BLOC1S6: variants seen among roughly 807,000 people sequenced by gnomAD.
The protein encoded by BLOC1S6 is biogenesis of lysosome-related organelles complex 1 subunit 6.
A neutral mutation model predicts 24.7 loss-of-function variants in BLOC1S6; 24 were observed. That is an observed-to-expected ratio of 0.97 (90% CI 0.70 to 1.37). The LOEUF (loss-of-function observed/expected upper bound fraction) is 1.37. Ranked by LOEUF, BLOC1S6 falls within the 40% of genes most tolerant of loss-of-function variation. The pLI is 0.00. For synonymous variants in BLOC1S6, 76 were observed against 72.6 expected (o/e 1.05, Z -0.23); for missense variants, 175 against 196.2 (o/e 0.89, Z 0.64).
chr15:45,588,017 T>C (rs1595550325), intron 1 of BLOC1S6: 1 of 523,716 alleles, frequency 1.9e-6, no homozygotes, highest in South Asian at 2.6e-5. Flanking sequence ...ATCCATTGAA[T>C]GGAATGAATT....
At chr15:45,598,062 T>C (rs1415698085) in intron 2 of BLOC1S6, 1 of 160,146 alleles carries the variant, frequency 6.2e-6, no homozygotes, top group Non-Finnish European at 1.4e-5. Context: ...TAATCCAGCA[T>C]ATAAACAGAG....
chr15:45,597,534 A>T (rs1894121772), intron 2 of BLOC1S6, among the ~76,000 whole-genome samples: 1 of 151,818 alleles, frequency 6.6e-6, no homozygotes, highest in African/African-American at 2.4e-5. Flanking sequence ...TATTATTTAG[A>T]TTTTCTTTGA....
intron 2 of BLOC1S6, among the ~76,000 whole-genome samples, chr15:45,593,301 G>A (rs1893949736): frequency 6.7e-6 from 1 of 149,364 alleles, no homozygotes; most frequent in South Asian, 2.1e-4. Flanking sequence ...CAGGAGAATC[G>A]CTCGAACTCA....
intron 2 of BLOC1S6, among the ~76,000 whole-genome samples, chr15:45,595,501 T>C (rs1894039381): frequency 6.6e-6 from 1 of 152,222 alleles, no homozygotes; most frequent in African/African-American, 2.4e-5. Context: ...TGTTGAGTTT[T>C]AAGAGTTCTT....
At chr15:45,597,609 C>T (rs1894124709) in intron 2 of BLOC1S6, among the ~76,000 whole-genome samples, 1 of 152,080 alleles carries the variant, frequency 6.6e-6, no homozygotes, top group African/African-American at 2.4e-5. Flanking sequence ...TATATTTGTA[C>T]CACCATATTT....
chr15:45,588,691 C>G (rs1231296714), intron 1 of BLOC1S6, among the ~76,000 whole-genome samples: 1 of 152,214 alleles, frequency 6.6e-6, no homozygotes, highest in Non-Finnish European at 1.5e-5. Context: ...TTAAATAGCT[C>G]CTCACTACTT....
At chr15:45,589,433 G>A (rs1893803838) in intron 1 of BLOC1S6, among the ~76,000 whole-genome samples, 1 of 152,170 alleles carries the variant, frequency 6.6e-6, no homozygotes, top group Non-Finnish European at 1.5e-5. Flanking sequence ...AGTAACACTC[G>A]AATAGACAAA....
chr15:45,602,650 T>G (rs1460461531), intron 2 of BLOC1S6, among the ~76,000 whole-genome samples: 1 of 152,206 alleles, frequency 6.6e-6, no homozygotes, highest in African/African-American at 2.4e-5. Context: ...TCTTACTGCT[T>G]AATTATTCTT....
At chr15:45,593,284 G>T (rs1893949282) in intron 2 of BLOC1S6, among the ~76,000 whole-genome samples, 1 of 151,498 alleles carries the variant, frequency 6.6e-6, no homozygotes. Context: ...TACTTGGGAG[G>T]CTGAGGCAGG....
In BLOC1S6 at chr15:45,606,425, C is replaced by G; in HGVS notation, c.430C>G (p.Gln144Glu). The change falls in exon 5 of 5, where the codon CAA becomes GAA. Residue 144 changes from glutamine to glutamate, a missense_variant. Physicochemically the swap from Gln to Glu is conservative, Grantham distance 29. Transcript: ENST00000220531. ...KRALKLQQKRQKEELEREQQR... is the reference protein window; with the variant it reads ...KRALKLQQKREKEELEREQQR... ...AGCACTTAAACTGCAGCAGAAGAGGCAAAAAGAAGAGTTGGAAAGGGAGCA... is the reference window on the plus strand; with the variant it reads ...AGCACTTAAACTGCAGCAGAAGAGGGAAAAAGAAGAGTTGGAAAGGGAGCA... 6.2e-7 allele frequency: 1 copy of G among 1,613,434 alleles called. No individual in the cohort carries two copies. The highest frequency in any genetic ancestry group is 1.1e-5 in the South Asian group (1 of 91,048).
chr15:45,603,386 A>G (rs541462814), intron 3 of BLOC1S6, among the ~76,000 whole-genome samples, 199 bp downstream of exon 3: 33 of 152,176 alleles, frequency 2.2e-4, no homozygotes, highest in Non-Finnish European at 4.3e-4. Context: ...GTGCATTTGG[A>G]ATAGATCTGC....
intron 1 of BLOC1S6, 29 bp downstream of exon 1, chr15:45,587,554 C>G: frequency 6.5e-7 from 1 of 1,547,720 alleles, no homozygotes; most frequent in Non-Finnish European, 8.7e-7. Flanking sequence ...GAAGCGCGGC[C>G]CGGGCTGGGT....
chr15:45,603,150 T>A lies in BLOC1S6; in HGVS notation c.275T>A (p.Phe92Tyr). The A allele has an allele frequency of 1.9e-6, 3 of 1,611,002 alleles. No homozygotes were observed. The highest frequency in any genetic ancestry group is 2.5e-6 in the Non-Finnish European group (3 of 1,177,682). The change falls in exon 3 of 5, where the codon TTT becomes TAT. Residue 92 changes from phenylalanine (F) to tyrosine (Y), a missense_variant. By Grantham distance (22) the Phe-to-Tyr change is conservative (BLOSUM62 3). Coordinates refer to ENST00000220531, the MANE Select transcript of BLOC1S6 (RefSeq NM_012388.4). ...LDTLEQEISK[F>Y]KECHSMLDIN... ...ACACTGGAACAAGAGATTTCAAAAT[T>A]TAAAGAATGTCATTCTATGTTGGAT...
chr15:45,596,698 T>A (rs1256979575), intron 2 of BLOC1S6, among the ~76,000 whole-genome samples: 1 of 151,908 alleles, frequency 6.6e-6, no homozygotes, highest in East Asian at 1.9e-4. Context: ...GTTTTTTTTT[T>A]GAGACAGGGT....
chr15:45,587,326 C>T (rs536657988), upstream of BLOC1S6: 54 of 1,013,130 alleles, frequency 5.3e-5, 1 homozygote, highest in South Asian at 6.9e-4. Context: ...TTTTCGCCCC[C>T]GTCACTTCCG....
At chr15:45,588,318 T>G (rs1019696167) in intron 1 of BLOC1S6, among the ~76,000 whole-genome samples, 25 of 152,258 alleles carry the variant, frequency 1.6e-4, no homozygotes, top group African/African-American at 6.0e-4. Flanking sequence ...TATTTGAAAC[T>G]TGGGCCCCTC....
At chr15:45,606,313 C>T (rs1002187780) in intron 4 of BLOC1S6, 82 bp from the exon 5 acceptor site, 1 of 1,548,704 alleles carries the variant, frequency 6.5e-7, no homozygotes. Context: ...TACCTCAAAG[C>T]AGAGCACTGT....
chr15:45,592,557 A>G (rs1033398925), intron 2 of BLOC1S6, among the ~76,000 whole-genome samples: 1 of 152,172 alleles, frequency 6.6e-6, no homozygotes, highest in Non-Finnish European at 1.5e-5. Flanking sequence ...TATTTTATGA[A>G]AGTATTGCCT....
At chr15:45,595,227 T>G (rs1178462628) in intron 2 of BLOC1S6, among the ~76,000 whole-genome samples, 1 of 152,196 alleles carries the variant, frequency 6.6e-6, no homozygotes, top group Non-Finnish European at 1.5e-5. Context: ...TCTCTATTAT[T>G]TAGAAGTTCT....
Sources: gnomAD v4.1 joint callset for allele counts (sites outside exome capture counted in the v4.1 genomes callset) on GRCh38, gnomAD v4.1.1 for gene constraint, MANE v1.5 for transcripts, NCBI Gene and HGNC (gene_info 2026-07-23, HGNC 2026-07-21) for gene names.